ESRRG: variants seen among roughly 807,000 people sequenced by gnomAD.
ESRRG encodes the protein estrogen related receptor gamma.
In ESRRG, 13 loss-of-function variants were observed where a neutral mutation model predicts 44.0. The ratio of observed to expected loss-of-function variants is 0.30; its 90% confidence interval spans 0.19 to 0.47. The LOEUF is 0.47. ESRRG is among the 20% of genes least tolerant of loss of function. ESRRG has a pLI of 1.00. For synonymous variants in ESRRG, 215 were observed against 214.6 expected, an observed-to-expected ratio of 1.00 and a Z score of -0.02; for missense variants, 395 against 580.6, an observed-to-expected ratio of 0.68 and a Z score of 3.29.
intron 1 of ESRRG, among the ~76,000 whole-genome samples, chr1:217,002,295 C>A: frequency 9.4e-6 from 1 of 106,736 alleles, no homozygotes. Flanking sequence ...GAGTGAGATT[C>A]TGTCTAAAAA....
intron 1 of ESRRG, among the ~76,000 whole-genome samples, chr1:217,078,520 C>G (rs2091498761): frequency 6.6e-6 from 1 of 152,164 alleles, no homozygotes; most frequent in Non-Finnish European, 1.5e-5. Context: ...CACCACAGGT[C>G]AGAAAGGAAT....
chr1:216,826,089 A>G (rs1396864268), intron 2 of ESRRG, among the ~76,000 whole-genome samples: 1 of 152,048 alleles, frequency 6.6e-6, no homozygotes, highest in Non-Finnish European at 1.5e-5. Context: ...CTCATCTTCA[A>G]AGATGTAACG....
At chr1:216,533,019 T>C (rs2049870637) in intron 5 of ESRRG, among the ~76,000 whole-genome samples, 1 of 152,154 alleles carries the variant, frequency 6.6e-6, no homozygotes, top group South Asian at 2.1e-4. Flanking sequence ...ATAATTATAA[T>C]AAAAATATTG....
At chr1:216,807,359 A>C (rs991850208) in intron 2 of ESRRG, among the ~76,000 whole-genome samples, 1 of 152,192 alleles carries the variant, frequency 6.6e-6, no homozygotes, top group Non-Finnish European at 1.5e-5. Flanking sequence ...TCTGATAGTC[A>C]TATTAGAAAG....
At chr1:216,928,789 T>C (rs1366946936) in intron 2 of ESRRG, among the ~76,000 whole-genome samples, 1 of 152,228 alleles carries the variant, frequency 6.6e-6, no homozygotes, top group African/African-American at 2.4e-5. Context: ...AAGATTAGGA[T>C]TCTGATACAT....
At chr1:217,052,537 G>A (rs1407675937) in intron 1 of ESRRG, among the ~76,000 whole-genome samples, 1 of 152,138 alleles carries the variant, frequency 6.6e-6, no homozygotes, top group Non-Finnish European at 1.5e-5. Flanking sequence ...CTTTCTAAAA[G>A]GATCTAAGAG....
chr1:217,058,427 G>T (rs914881969), intron 1 of ESRRG, among the ~76,000 whole-genome samples: 2 of 152,048 alleles, frequency 1.3e-5, no homozygotes, highest in South Asian at 4.1e-4. Flanking sequence ...ATGAGCTTCC[G>T]ATGATCAAAA....
chr1:216,506,514 G>C lies in ESRRG; in HGVS notation c.*425C>G. 2.6e-6 allele frequency: 1 copy of C among 381,876 alleles called. No homozygotes were observed. The highest frequency in any genetic ancestry group is 5.1e-6 in the Non-Finnish European group (1 of 196,922). 23.7% of individuals were successfully genotyped at this position (381,876 alleles called of 1,614,324 possible). On this transcript the variant is annotated 3_prime_UTR_variant, in exon 7 of 7. Transcript: ENST00000408911. ...AAAGGGAAAGGAAAGGGGGAAGGGA[G>C]GATTTTTTTTTAAACTAAAGCTATT...
intron 2 of ESRRG, among the ~76,000 whole-genome samples, chr1:216,845,952 G>C (rs1193815388): frequency 6.6e-6 from 1 of 152,098 alleles, no homozygotes; most frequent in Non-Finnish European, 1.5e-5. Flanking sequence ...CACCAAGAAG[G>C]AAATCGTCTA....
intron 1 of ESRRG, among the ~76,000 whole-genome samples, chr1:217,096,257 C>A (rs1263459259): frequency 6.6e-6 from 1 of 152,132 alleles, no homozygotes; most frequent in African/African-American, 2.4e-5. Flanking sequence ...GCATTCACTG[C>A]CTGGTTTTAG....
At chr1:217,081,782 A>G (rs1388043655) in intron 1 of ESRRG, among the ~76,000 whole-genome samples, 2 of 152,194 alleles carry the variant, frequency 1.3e-5, no homozygotes, top group Non-Finnish European at 2.9e-5. Flanking sequence ...TACCCTGGGC[A>G]TATTTTAAAA....
At chr1:216,772,703 G>A (rs1052049081) in intron 2 of ESRRG, among the ~76,000 whole-genome samples, 14 of 151,982 alleles carry the variant, frequency 9.2e-5, no homozygotes, top group Non-Finnish European at 1.8e-4. Flanking sequence ...TTGTTTGTTT[G>A]TTTGTTTGTT....
intron 2 of ESRRG, among the ~76,000 whole-genome samples, chr1:216,933,775 A>G (rs1311049641): frequency 1.3e-5 from 2 of 152,214 alleles, no homozygotes; most frequent in Non-Finnish European, 2.9e-5. Flanking sequence ...TGATTCTCTT[A>G]GTAAGAACAG....
intron 2 of ESRRG, among the ~76,000 whole-genome samples, chr1:216,935,832 G>C (rs1422198472): frequency 6.6e-6 from 1 of 152,006 alleles, no homozygotes; most frequent in Non-Finnish European, 1.5e-5. Flanking sequence ...GGCCAGGCTG[G>C]TCTTGAACTC....
chr1:216,653,793 G>A (rs2069634187), intron 2 of ESRRG, among the ~76,000 whole-genome samples: 2 of 152,112 alleles, frequency 1.3e-5, no homozygotes, highest in African/African-American at 2.4e-5. Flanking sequence ...AGACACTAGA[G>A]GACAATGGAC....
At chr1:216,653,377 G>T (rs1289768077) in intron 2 of ESRRG, among the ~76,000 whole-genome samples, 4 of 152,134 alleles carry the variant, frequency 2.6e-5, no homozygotes, top group African/African-American at 9.7e-5. Context: ...TCATTATGCT[G>T]ATTTTAAAAA....
intron 3 of ESRRG, among the ~76,000 whole-genome samples, chr1:216,647,538 A>G (rs1435502980): frequency 1.3e-5 from 2 of 152,184 alleles, no homozygotes; most frequent in African/African-American, 4.8e-5. Context: ...AGTGTATTCA[A>G]GTATAATTCC....
intron 1 of ESRRG, among the ~76,000 whole-genome samples, chr1:217,130,034 G>A (rs1378237948): frequency 6.6e-6 from 1 of 152,104 alleles, no homozygotes; most frequent in African/African-American, 2.4e-5. Context: ...GAAGCAAAAA[G>A]CTTCTTCTTC....
At position 216,904,408 on chromosome 1, in the gene ESRRG, G is replaced by A. The variant is rs75737837; in HGVS notation, c.-14+35174C>T. On this transcript the variant is annotated intron_variant, in intron 2 of 7. Transcript: ENST00000359162. ...AACTTCAAAGTTTAGGGGATATTCT[G>A]GATATTCTGGTAAATGTAGTGTGAG... is the stretch of plus-strand genomic sequence containing the variant. Among the ~76,000 whole-genome samples, 1,228 of 151,642 alleles carry A rather than the reference G, an allele frequency of 8.1e-3. 19 individuals are homozygous for A. The highest frequency in any genetic ancestry group is 0.028 in the African/African-American group (1,153 of 41,514).
Sources: allele counts gnomAD v4.1 joint callset (sites outside exome capture counted in the v4.1 genomes callset), GRCh38; gene constraint gnomAD v4.1.1; transcripts MANE v1.5; gene names NCBI Gene and HGNC (gene_info 2026-07-23, HGNC 2026-07-21).